PECAM1: variants seen among roughly 807,000 people sequenced by gnomAD.
The protein encoded by PECAM1 is platelet and endothelial cell adhesion molecule 1.
PECAM1 carries 8 observed loss-of-function variants against 13.8 expected under a neutral mutation model. The ratio of observed to expected loss-of-function variants is 0.58; its 90% CI spans 0.34 to 1.05. PECAM1 has a LOEUF of 1.05. Among genes scored for constraint, PECAM1 ranks in the 50% least tolerant of loss-of-function variants. The pLI is 0.03. For missense variants in PECAM1, 304 were observed against 141.2 expected (o/e 2.15, Z -5.84); for synonymous variants, 136 against 52.6 (o/e 2.58, Z -6.86).
chr17:64,356,045 G>C (rs1001208913), intron 8 of PECAM1, 66 bp downstream of exon 8: 1 of 474,430 alleles, frequency 2.1e-6, no homozygotes, highest in African/African-American at 2.0e-5. Flanking sequence ...CTCTTACAAG[G>C]GGTGTGTTTT....
intron 11 of PECAM1, 92 bp from the exon 12 acceptor site, chr17:64,350,525 C>T (rs1221119660): frequency 4.9e-6 from 2 of 409,906 alleles, no homozygotes; most frequent in Non-Finnish European, 8.9e-6. Flanking sequence ...CAAAGTCAAG[C>T]CTGATTTATT....
At chr17:64,339,486 T>G (rs966589561) in intron 14 of PECAM1, among the ~76,000 whole-genome samples, 15 of 152,016 alleles carry the variant, frequency 9.9e-5, no homozygotes, top group Admixed American at 5.2e-4. Flanking sequence ...TTCAGCAGTG[T>G]CCAAGAAAGC....
intron 9 of PECAM1, among the ~76,000 whole-genome samples, 189 bp from the exon 10 acceptor site, chr17:64,353,707 T>C (rs2035784314): frequency 6.6e-6 from 1 of 152,150 alleles, no homozygotes; most frequent in Non-Finnish European, 1.5e-5. Context: ...TCCCAGAAGA[T>C]TGAATACCCA....
At chr17:64,329,850 G>A (rs1423729327) in intron 14 of PECAM1, 128 bp from the exon 15 acceptor site, 3 of 706,138 alleles carry the variant, frequency 4.2e-6, no homozygotes, top group Admixed American at 2.0e-5. Context: ...GACATCAGCC[G>A]GCAGGTGCCC....
At chr17:64,329,055 T>G (rs1250642356) in intron 15 of PECAM1, among the ~76,000 whole-genome samples, 1 of 152,098 alleles carries the variant, frequency 6.6e-6, no homozygotes, top group Non-Finnish European at 1.5e-5. Flanking sequence ...CATCCCACAC[T>G]GCTTGAAACT....
At chr17:64,344,115 C>T (rs1169184291) in intron 13 of PECAM1, among the ~76,000 whole-genome samples, 1 of 152,014 alleles carries the variant, frequency 6.6e-6, no homozygotes, top group Non-Finnish European at 1.5e-5. Context: ...GCTCACCCTC[C>T]GACCCAGGCC....
intron 14 of PECAM1, among the ~76,000 whole-genome samples, chr17:64,337,024 AAAGAAAAG>A (rs1377481223): frequency 6.6e-6 from 1 of 152,150 alleles, no homozygotes; most frequent in Admixed American, 6.5e-5. Flanking sequence ...AGAAAGAGAG[AAAGAAAAG>A]AAATCAGCCA....
In PECAM1 at chr17:64,375,360, C is replaced by A. The variant is rs929905100; in HGVS notation, c.386-4G>T. The A allele has an allele frequency of 4.3e-6, 2 of 465,110 alleles. No homozygotes were observed. The highest frequency in any genetic ancestry group is 6.8e-5 in the Admixed American group (2 of 29,582). 28.8% of individuals were successfully genotyped at this position (465,110 alleles called of 1,614,324 possible). ...GTCACCCTGGGACTGGGCACTCCTA[C>A]GGGGAAAGAGAAAGTCTGTCAGTAT... On this transcript the variant is annotated splice_polypyrimidine_tract_variant and splice_region_variant and intron_variant, in intron 3 of 15. Coordinates refer to ENST00000563924, the MANE Select transcript of PECAM1 (RefSeq NM_000442.5).
At chr17:64,379,497 C>G (rs2036435576) in intron 2 of PECAM1, among the ~76,000 whole-genome samples, 2 of 152,108 alleles carry the variant, frequency 1.3e-5, no homozygotes, top group African/African-American at 4.8e-5. Context: ...CAGAGCAGAC[C>G]AGGGTGAACT....
In PECAM1 at chr17:64,321,650, A is replaced by T; in HGVS notation, c.*2166T>A. ...GCGGCTCACGCCTCTGGTCCCAGCT[A>T]CCCAGGAAGCTGAGATGGGAGGATC... On this transcript the variant is annotated 3_prime_UTR_variant, in exon 16 of 16. Transcript: ENST00000563924. 1 of 542,452 alleles carries T rather than the reference A, an allele frequency of 1.8e-6. No homozygotes were observed. The highest frequency in any genetic ancestry group is 2.6e-6 in the Non-Finnish European group (1 of 390,224). The allele number at this position is 542,452 out of a possible 1,614,324, so 33.6% of individuals were successfully genotyped here. A position where few individuals can be genotyped will look rare whatever the true frequency, so the allele number is the denominator to read the frequency against.
rs1322122728 is a variant in PECAM1 at position 64,334,095 on chromosome 17, T to C, written c.2165-4373A>G. ...CCCCTAACGTGGGGAGGCAGCTGAG[T>C]GGAAGGCGCCTCATGATACAACAAT... On this transcript the variant is annotated intron_variant, in intron 14 of 15. Transcript: ENST00000563924. 3.0e-4 allele frequency among the ~76,000 whole-genome samples: 40 copies of C among 132,180 alleles called. No homozygotes were observed. In the Admixed American group the frequency reaches 3.2e-3, roughly 11 times the overall value. The allele number at this position is 132,180 out of a possible 152,430, so 86.7% of individuals were successfully genotyped here.
At chr17:64,340,075 G>T (rs1023868672) in intron 14 of PECAM1, among the ~76,000 whole-genome samples, 120 of 152,192 alleles carry the variant, frequency 7.9e-4, no homozygotes, top group African/African-American at 2.8e-3. Flanking sequence ...GGGGCCGGGG[G>T]GTGTTGCACG....
At chr17:64,386,223 G>A (rs1316698503) in intron 2 of PECAM1, among the ~76,000 whole-genome samples, 1 of 152,018 alleles carries the variant, frequency 6.6e-6, no homozygotes, top group Non-Finnish European at 1.5e-5. Context: ...TGGCCAACAT[G>A]GCAAAACCTT....
intron 2 of PECAM1, chr17:64,390,249 A>G (rs1320016974): frequency 5.1e-6 from 2 of 393,092 alleles, no homozygotes; most frequent in African/African-American, 4.1e-5. Flanking sequence ...ATAACCCACT[A>G]CTTTCAGACC....
At chr17:64,389,113 G>A (rs1433092837) in intron 2 of PECAM1, among the ~76,000 whole-genome samples, 2 of 152,182 alleles carry the variant, frequency 1.3e-5, no homozygotes, top group Non-Finnish European at 1.5e-5. Flanking sequence ...TGGCAGAGGG[G>A]CTTTGCCAGT....
chr17:64,350,700 G>A (rs1397133080), intron 11 of PECAM1, among the ~76,000 whole-genome samples: 5 of 148,628 alleles, frequency 3.4e-5, no homozygotes, highest in African/African-American at 1.2e-4. Context: ...GGAGTGCAGT[G>A]GTGCGATCCC....
intron 15 of PECAM1, among the ~76,000 whole-genome samples, chr17:64,325,233 C>CA (rs2034915162): frequency 6.6e-6 from 1 of 151,628 alleles, no homozygotes; most frequent in Non-Finnish European, 1.5e-5. Flanking sequence ...CTGAAAAATA[C>CA]AAAAATTAGC....
chr17:64,373,034 C>T (rs2143857793), intron 4 of PECAM1, among the ~76,000 whole-genome samples: 1 of 151,524 alleles, frequency 6.6e-6, no homozygotes, highest in East Asian at 2.0e-4. Flanking sequence ...ATCGCTTGAA[C>T]CCGGGAGGCG....
chr17:64,362,408 G>C (rs1414362841), intron 6 of PECAM1, among the ~76,000 whole-genome samples: 8 of 152,158 alleles, frequency 5.3e-5, no homozygotes, highest in African/African-American at 1.4e-4. Flanking sequence ...CCAGGACTTT[G>C]GGAGGCTGAG....
Sources: gnomAD v4.1 joint callset for allele counts (sites outside exome capture counted in the v4.1 genomes callset) on GRCh38, gnomAD v4.1.1 for gene constraint, MANE v1.5 for transcripts, NCBI Gene and HGNC (gene_info 2026-07-23, HGNC 2026-07-21) for gene names.